Variants in PTGS1 observed in about 807,000 individuals in gnomAD.
The protein encoded by PTGS1 is prostaglandin-endoperoxide synthase 1.
PTGS1 carries 40 observed loss-of-function variants against 63.0 expected under a neutral mutation model. The observed-to-expected ratio is 0.63, with a 90% CI of 0.49 to 0.83. The LOEUF is 0.83. PTGS1 is among the 40% of genes least tolerant of loss of function. PTGS1 has a pLI of 0.00. For synonymous variants in PTGS1, 298 were observed against 301.9 expected (o/e 0.99, Z 0.13); for missense variants, 709 against 786.5 (o/e 0.90, Z 1.18).
At chr9:122,370,915 G>C, upstream of PTGS1, 1 of 1,119,620 alleles carries the variant, frequency 8.9e-7, no homozygotes, top group African/African-American at 1.6e-5. Context: ...AAATGCCTTG[G>C]CCGGGGCTGG....
At chr9:122,377,618 G>A (rs1837253471) in intron 2 of PTGS1, among the ~76,000 whole-genome samples, 1 of 152,138 alleles carries the variant, frequency 6.6e-6, no homozygotes, top group Non-Finnish European at 1.5e-5. Flanking sequence ...GCCGCCGTTT[G>A]GTGGCAATAG....
intron 2 of PTGS1, chr9:122,371,677 C>T (rs994940991): frequency 2.1e-6 from 3 of 1,460,836 alleles, no homozygotes; most frequent in Non-Finnish European, 2.7e-6. Context: ...AGCCTCTAAC[C>T]GTCTGGGAAC....
chr9:122,377,122 G>T (rs1837213888), intron 2 of PTGS1, among the ~76,000 whole-genome samples: 1 of 152,166 alleles, frequency 6.6e-6, no homozygotes, highest in South Asian at 2.1e-4. Flanking sequence ...CATCAGGAAT[G>T]GGGGCTGAGG....
At chr9:122,376,722 C>A (rs1837190027) in intron 2 of PTGS1, among the ~76,000 whole-genome samples, 1 of 152,148 alleles carries the variant, frequency 6.6e-6, no homozygotes, top group South Asian at 2.1e-4. Context: ...GAGATGGAGC[C>A]TCCTGCCAGG....
intron 3 of PTGS1, among the ~76,000 whole-genome samples, 154 bp downstream of exon 3, chr9:122,378,169 G>A (rs189463859): frequency 6.6e-6 from 1 of 152,148 alleles, no homozygotes; most frequent in East Asian, 1.9e-4. Flanking sequence ...CCTGGCTTCA[G>A]CATGAGCTCT....
chr9:122,378,407 C>T, intron 3 of PTGS1, 26 bp from the exon 4 acceptor site: 4 of 1,611,722 alleles, frequency 2.5e-6, no homozygotes, highest in Non-Finnish European at 3.4e-6. Context: ...GAGGGACCAA[C>T]TGAGTGACTG....
At chr9:122,389,974 CA>C (rs951080998) in intron 9 of PTGS1, among the ~76,000 whole-genome samples, 28 of 147,444 alleles carry the variant, frequency 1.9e-4, no homozygotes, top group African/African-American at 2.7e-4. Context: ...AAAAAACCCA[CA>C]AAAAAAAAAT....
chr9:122,381,147 A>G (rs941461117), intron 5 of PTGS1, among the ~76,000 whole-genome samples: 1 of 152,200 alleles, frequency 6.6e-6, no homozygotes, highest in Non-Finnish European at 1.5e-5. Flanking sequence ...ATCAAATTCT[A>G]AAAATCATGC....
intron 2 of PTGS1, chr9:122,371,769 G>A: frequency 2.0e-6 from 3 of 1,533,424 alleles, no homozygotes; most frequent in Non-Finnish European, 1.7e-6. Context: ...AATACATTTA[G>A]GAGCCGGGAT....
At chr9:122,375,635 G>A (rs1159166783) in intron 2 of PTGS1, among the ~76,000 whole-genome samples, 1 of 152,174 alleles carries the variant, frequency 6.6e-6, no homozygotes, top group African/African-American at 2.4e-5. Context: ...GGTTGAATTG[G>A]AACCCGGAGC....
At chr9:122,380,381 A>G (rs1197888776) in intron 5 of PTGS1, among the ~76,000 whole-genome samples, 3 of 152,032 alleles carry the variant, frequency 2.0e-5, no homozygotes, top group Non-Finnish European at 4.4e-5. Context: ...GGGTGGATCA[A>G]TTGAGCCCAG....
chr9:122,386,318 A>G, intron 8 of PTGS1, 128 bp from the exon 9 acceptor site: 2 of 1,043,116 alleles, frequency 1.9e-6, no homozygotes, highest in Non-Finnish European at 2.8e-6. Context: ...ATAAAAATAA[A>G]CATCAACAGC....
Position 122,378,426 on chromosome 9 carries a change from C to T in PTGS1, c.212-7C>T. On this transcript the variant is annotated splice_polypyrimidine_tract_variant and splice_region_variant and intron_variant, in intron 3 of 10. Transcript: ENST00000362012. ...GACCAACTGAGTGACTGCCATTGCC[C>T]CTGCAGCTGGCCTGTGGACCTGGCT... 1.2e-6 allele frequency: 2 copies of T among 1,613,320 alleles called. No individual in the cohort carries two copies. The highest frequency in any genetic ancestry group is 1.7e-6 in the Non-Finnish European group (2 of 1,180,034).
intron 9 of PTGS1, among the ~76,000 whole-genome samples, chr9:122,387,424 CG>C (rs1448940388): frequency 2.6e-5 from 4 of 152,066 alleles, no homozygotes; most frequent in African/African-American, 9.7e-5. Flanking sequence ...TTTTAAAGTT[CG>C]TATGTTGAAA....
chr9:122,381,338 A>C (rs1192434922), intron 5 of PTGS1, 33 bp from the exon 6 acceptor site: 16 of 1,605,458 alleles, frequency 1.0e-5, no homozygotes, highest in African/African-American at 1.3e-5. Flanking sequence ...TCCAGATAGG[A>C]GAAGCTACTG....
In PTGS1 at chr9:122,392,494, G is replaced by T. The variant is rs200742375; in HGVS notation, c.1750G>T (p.Ala584Ser). Residue 584 changes from alanine to serine, a missense_variant, in exon 11 of 11, where the codon GCC becomes TCC. Physicochemically the swap from Ala to Ser is moderately conservative, Grantham distance 99 (BLOSUM62 1). Transcript: ENST00000362012. ...CPYVSFRVPDASQDDGPAVER... is the reference protein window; with the variant it reads ...CPYVSFRVPDSSQDDGPAVER... ...CTACGTTTCCTTCCGTGTGCCGGAT[G>T]CCAGTCAGGATGATGGGCCTGCTGT... is the stretch of plus-strand genomic sequence containing the variant. 1.2e-6 allele frequency: 2 copies of T among 1,614,012 alleles called. No homozygotes were observed. Among genetic ancestry groups the T allele is most frequent in the Admixed American group, 1.7e-5 (1 of 60,004 alleles).
In PTGS1 at chr9:122,377,947, G is replaced by C; in HGVS notation, c.143G>C (p.Arg48Pro). Residue 48 changes from arginine (R) to proline (P), a missense_variant, in exon 3 of 11, where the codon CGC (arginine) becomes CCC (proline). Physicochemically the swap from Arg to Pro is moderately radical, Grantham distance 103. Coordinates refer to ENST00000362012, the MANE Select transcript of PTGS1 (RefSeq NM_000962.4). The part of the protein sequence containing the change: ...YPCQHQGICV[R>P]FGLDRYQCDC... ...TGCCAGCACCAGGGCATCTGTGTCC[G>C]CTTCGGCCTTGACCGCTACCAGTGT... The C allele has an allele frequency of 6.2e-7, 1 of 1,614,068 alleles. No homozygotes were observed.
In PTGS1 at chr9:122,371,103, C is replaced by T. The variant is rs1250355835; in HGVS notation, c.7+12C>T. 8.1e-6 allele frequency: 13 copies of T among 1,603,140 alleles called. No individual in the cohort carries two copies. The highest frequency in any genetic ancestry group is 1.3e-5 in the African/African-American group (1 of 74,938). On this transcript the variant is annotated intron_variant, in intron 1 of 10. Coordinates refer to ENST00000362012, the MANE Select transcript of PTGS1 (RefSeq NM_000962.4). ...CCGCGCCATGAGCCGTGAGTGCGAC[C>T]CCGGTGCCCGGTGGGGAATTTTCTT...
At chr9:122,377,740 G>C (rs1310572629) in intron 2 of PTGS1, among the ~76,000 whole-genome samples, 159 bp from the exon 3 acceptor site, 6 of 152,164 alleles carry the variant, frequency 3.9e-5, no homozygotes, top group African/African-American at 1.4e-4. Context: ...TGGGAACAGG[G>C]GTCCCCTTGG....
Sources: allele counts gnomAD v4.1 joint callset (sites outside exome capture counted in the v4.1 genomes callset), GRCh38; gene constraint gnomAD v4.1.1; transcripts MANE v1.5; gene names NCBI Gene and HGNC (gene_info 2026-07-23, HGNC 2026-07-21).